The following CD200R1L variants were observed in gnomAD, a reference collection of about 807,000 sequenced individuals.
CD200R1L encodes cell surface glycoprotein CD200 receptor 2.
A neutral mutation model predicts 24.8 loss-of-function variants in CD200R1L; 14 were observed. That is an observed-to-expected ratio of 0.56 (90% CI 0.37 to 0.88). CD200R1L has a LOEUF of 0.88. Ranked by LOEUF, CD200R1L falls within the 40% of genes least tolerant of loss-of-function variation. The pLI is 0.00. For missense variants in CD200R1L, 299 were observed against 297.8 expected (o/e 1.00, Z -0.03); for synonymous variants, 111 against 109.2 (o/e 1.02, Z -0.11).
chr3:112,835,794 G>A (rs1209710871), intron 3 of CD200R1L, among the ~76,000 whole-genome samples: 4 of 152,246 alleles, frequency 2.6e-5, no homozygotes, highest in African/African-American at 9.6e-5. Context: ...CAAGGTGGCA[G>A]GGCTTCTGCC....
chr3:112,816,142 C>T (rs971436155), intron 7 of CD200R1L, among the ~76,000 whole-genome samples, 167 bp from the exon 8 acceptor site: 20 of 152,124 alleles, frequency 1.3e-4, no homozygotes, highest in African/African-American at 4.8e-4. Flanking sequence ...CCTAAGACAC[C>T]AGGAATGCTG....
Position 112,827,513 on chromosome 3 carries a change from A to T in CD200R1L, c.221T>A (p.Val74Asp), listed in dbSNP as rs202235033. 1.6e-5 allele frequency: 26 copies of T among 1,614,196 alleles called. 1 individual carries two copies. Among genetic ancestry groups the T allele is most frequent in the Admixed American group, 1.5e-4 (9 of 60,018 alleles). Residue 74 changes from valine to aspartate, a missense_variant, in exon 5 of 8, where the codon GTT (valine) becomes GAT (aspartate). Transcript: ENST00000488794. ...TNETKETNCTVERITWVSRPD... is the reference protein window; with the variant it reads ...TNETKETNCTDERITWVSRPD... Reference sequence around the variant, plus strand: ...TCTAGAGACCCAGGTTATTCTCTCAACAGTACAGTTGGTTTCCTTGGTCTC... The same window carrying T: ...TCTAGAGACCCAGGTTATTCTCTCATCAGTACAGTTGGTTTCCTTGGTCTC...
chr3:112,816,393 G>A (rs1024298128), intron 7 of CD200R1L, among the ~76,000 whole-genome samples: 2 of 152,174 alleles, frequency 1.3e-5, no homozygotes, highest in Non-Finnish European at 2.9e-5. Flanking sequence ...GGAGTAACGA[G>A]TAGAACAGAA....
At chr3:112,831,735 C>T (rs1284188779) in intron 3 of CD200R1L, among the ~76,000 whole-genome samples, 2 of 152,306 alleles carry the variant, frequency 1.3e-5, no homozygotes, top group East Asian at 3.9e-4. Context: ...GAAACAGATC[C>T]TTTCGTAGTG....
intron 6 of CD200R1L, 99 bp from the exon 7 acceptor site, chr3:112,819,994 G>T: frequency 9.1e-7 from 1 of 1,096,720 alleles, no homozygotes; most frequent in Non-Finnish European, 1.3e-6. Flanking sequence ...ATTCTTAAGA[G>T]TTCATGGACT....
chr3:112,840,882 A>G (rs542671628), intron 2 of CD200R1L, among the ~76,000 whole-genome samples: 1 of 152,200 alleles, frequency 6.6e-6, no homozygotes, highest in South Asian at 2.1e-4. Flanking sequence ...AATTATATAC[A>G]TATTTTATAT....
rs999538150 is a variant in CD200R1L at position 112,846,619 on chromosome 3, C to T, written c.-359+6G>A. On this transcript the variant is annotated splice_donor_region_variant and intron_variant, in intron 1 of 7. Transcript: ENST00000488794. ...ATTTATTTGTTGAAATTCTAATCCC[C>T]AGTACCTCAGAAGATGACCTTATTT... 1 of 152,194 alleles carries T rather than the reference C, an allele frequency of 6.6e-6. No homozygotes were observed. Among genetic ancestry groups the T allele is most frequent in the Non-Finnish European group, 1.5e-5 (1 of 68,048 alleles). The allele number at this position is 152,194 out of a possible 1,614,324, so 9.4% of individuals were successfully genotyped here. A position where few individuals can be genotyped will look rare whatever the true frequency, so the allele number is the denominator to read the frequency against.
chr3:112,825,797 A>C (rs141161723), intron 6 of CD200R1L, among the ~76,000 whole-genome samples: 143 of 152,326 alleles, frequency 9.4e-4, no homozygotes, highest in African/African-American at 3.3e-3. Context: ...AAAAGCTCCT[A>C]AGGAGATAAA....
chr3:112,841,131 G>A (rs187648795), intron 2 of CD200R1L: 8 of 221,514 alleles, frequency 3.6e-5, no homozygotes, highest in African/African-American at 7.0e-5. Context: ...GGGCCTGGTC[G>A]GGGGTGACTG....
At position 112,815,869 on chromosome 3, in the gene CD200R1L, A is replaced by G. The variant is rs1576082025; in HGVS notation, c.*94T>C. The G allele has an allele frequency of 6.6e-6, 5 of 755,676 alleles. No homozygotes were observed. The East Asian group carries it at 9.7e-5, about 15-fold the overall frequency. The allele number at this position is 755,676 out of a possible 1,614,324, so 46.8% of individuals were successfully genotyped here. A position where few individuals can be genotyped will look rare whatever the true frequency, so the allele number is the denominator to read the frequency against. ...GTGGCTTCTATCCTTAACATCATCC[A>G]TGGCCCAAGTTCACTGCTGGACCAT... On this transcript the variant is annotated 3_prime_UTR_variant, in exon 8 of 8. Coordinates refer to ENST00000488794, the MANE Select transcript of CD200R1L (RefSeq NM_001199215.3).
intron 4 of CD200R1L, among the ~76,000 whole-genome samples, chr3:112,828,171 T>A (rs1229894156): frequency 6.6e-6 from 1 of 152,170 alleles, no homozygotes; most frequent in Non-Finnish European, 1.5e-5. Flanking sequence ...ATCAGTAACA[T>A]CAAAGTTAAA....
chr3:112,834,432 C>T (rs11916934), intron 3 of CD200R1L, among the ~76,000 whole-genome samples: 5,787 of 152,044 alleles, frequency 0.038, 132 homozygotes, highest in South Asian at 0.058. Flanking sequence ...AGGGGAGATA[C>T]TTCTACCAGG....
At chr3:112,843,629 T>C (rs1384679350) in intron 2 of CD200R1L, among the ~76,000 whole-genome samples, 1 of 152,164 alleles carries the variant, frequency 6.6e-6, no homozygotes, top group Non-Finnish European at 1.5e-5. Flanking sequence ...CATAGCCCTA[T>C]AAAGAAACTA....
chr3:112,842,838 C>G (rs1371080304), intron 2 of CD200R1L, among the ~76,000 whole-genome samples: 2 of 152,192 alleles, frequency 1.3e-5, no homozygotes, highest in Non-Finnish European at 2.9e-5. Flanking sequence ...CAGACCGGTT[C>G]TCTGCTCTCG....
At chr3:112,836,036 C>A (rs991400191) in intron 3 of CD200R1L, among the ~76,000 whole-genome samples, 4 of 152,232 alleles carry the variant, frequency 2.6e-5, no homozygotes, top group African/African-American at 9.6e-5. Context: ...GAACCCAATG[C>A]GACCAGGGAC....
At position 112,819,778 on chromosome 3, in the gene CD200R1L, T is replaced by G. The variant is rs374707224; in HGVS notation, c.734A>C (p.His245Pro). The change falls in exon 7 of 8, where the codon CAT becomes CCT. Residue 245 changes from histidine to proline, a missense_variant. Physicochemically the swap from His to Pro is moderately conservative, Grantham distance 77 (BLOSUM62 -2). Transcript: ENST00000488794. ...TGFVFFQRIN[H>P]VRKVL ...TTCAGTCTTCAGTTCCTACCTGACA[T>G]GATTTATCCTCTGGAAGAAAACAAA... is the stretch of plus-strand genomic sequence containing the variant. 2.1e-5 allele frequency: 34 copies of G among 1,600,676 alleles called. No homozygotes were observed. In the African/African-American group the frequency reaches 3.4e-4, roughly 16 times the overall value.
chr3:112,827,960 A>G (rs1432620854), intron 4 of CD200R1L, among the ~76,000 whole-genome samples: 1 of 152,218 alleles, frequency 6.6e-6, no homozygotes, highest in Non-Finnish European at 1.5e-5. Context: ...AAGTATTCTG[A>G]TTTTAGTTCA....
intron 7 of CD200R1L, among the ~76,000 whole-genome samples, chr3:112,817,857 G>T (rs1938434911): frequency 6.6e-6 from 1 of 152,210 alleles, no homozygotes; most frequent in Admixed American, 6.5e-5. Flanking sequence ...AACAAAAAGA[G>T]GTTTAATTGG....
At position 112,827,694 on chromosome 3, in the gene CD200R1L, C is replaced by T. The variant is rs1576090415; in HGVS notation, c.50-10G>A. ...GGCTGTGAAATGTTACCTGGACACA[C>T]ACACAAAGGATAATGATATAGAAAA... On this transcript the variant is annotated splice_polypyrimidine_tract_variant and intron_variant, in intron 4 of 7. Transcript: ENST00000488794. 1 of 1,608,324 alleles carries T rather than the reference C, an allele frequency of 6.2e-7. No individual in the cohort carries two copies.
Sources: gnomAD v4.1 joint callset for allele counts (sites outside exome capture counted in the v4.1 genomes callset) on GRCh38, gnomAD v4.1.1 for gene constraint, MANE v1.5 for transcripts, NCBI Gene and HGNC (gene_info 2026-07-23, HGNC 2026-07-21) for gene names.